The following ADAM32 variants were observed in gnomAD, a reference collection of about 807,000 sequenced individuals.
The protein encoded by ADAM32 is disintegrin and metalloproteinase domain-containing protein 32.
A neutral mutation model predicts 114.9 loss-of-function variants in ADAM32; 89 were observed. That is an observed-to-expected ratio of 0.77 (90% CI 0.65 to 0.92). The LOEUF (loss-of-function observed/expected upper bound fraction) is 0.92. Among genes scored for constraint, ADAM32 ranks in the 40% least tolerant of loss-of-function variants. The pLI is 0.00. For missense variants in ADAM32, 870 were observed against 932.8 expected, an observed-to-expected ratio of 0.93 and a Z score of 0.88; for synonymous variants, 285 against 307.5, an observed-to-expected ratio of 0.93 and a Z score of 0.77.
intron 6 of ADAM32, among the ~76,000 whole-genome samples, chr8:39,155,052 A>T (rs1804061603): frequency 6.6e-6 from 1 of 152,174 alleles, no homozygotes. Flanking sequence ...GCGCTCAATA[A>T]ACTAGGTATT....
intron 9 of ADAM32, chr8:39,169,637 T>C (rs1805066913): frequency 4.2e-6 from 1 of 240,732 alleles, no homozygotes; most frequent in Non-Finnish European, 7.9e-6. Flanking sequence ...AGCAAAGCCT[T>C]TGGCAAACAT....
At chr8:39,205,273 A>G (rs2129448046) in intron 11 of ADAM32, among the ~76,000 whole-genome samples, 1 of 152,286 alleles carries the variant, frequency 6.6e-6, no homozygotes, top group Non-Finnish European at 1.5e-5. Context: ...GGTGGGCTCC[A>G]CCCAGTTTGA....
Position 39,152,426 on chromosome 8 carries a change from A to G in ADAM32, c.525+878A>G, listed in dbSNP as rs1053563369. Among the ~76,000 whole-genome samples, 60 of 152,308 alleles carry G rather than the reference A, an allele frequency of 3.9e-4. 1 individual carries two copies. Among genetic ancestry groups the G allele is most frequent in the Admixed American group, 1.6e-3 (25 of 15,304 alleles). On this transcript the variant is annotated intron_variant, in intron 6 of 24. Coordinates refer to ENST00000379907, the MANE Select transcript of ADAM32 (RefSeq NM_145004.7). ...TGCTCTCCCTGTTTTCTGTCAGTAA[A>G]GAAAAAAATACCAGGCCAGGCATGG...
chr8:39,154,008 A>C (rs1228478652), intron 6 of ADAM32, among the ~76,000 whole-genome samples: 1 of 145,294 alleles, frequency 6.9e-6, no homozygotes, highest in Non-Finnish European at 1.5e-5. Context: ...AAAACAGCCA[A>C]GTAAAAGACA....
intron 6 of ADAM32, among the ~76,000 whole-genome samples, chr8:39,160,437 G>A (rs899002604): frequency 3.3e-5 from 5 of 151,726 alleles, no homozygotes; most frequent in Non-Finnish European, 5.9e-5. Context: ...CTACTCCGGA[G>A]GCTGATGCGG....
chr8:39,182,377 A>G (rs1003110050), intron 10 of ADAM32, among the ~76,000 whole-genome samples: 1 of 152,186 alleles, frequency 6.6e-6, no homozygotes, highest in African/African-American at 2.4e-5. Context: ...TTTTTCTTTT[A>G]TTTCAAATTC....
intron 19 of ADAM32, among the ~76,000 whole-genome samples, chr8:39,260,915 A>G (rs887688868): frequency 2.0e-5 from 3 of 151,822 alleles, no homozygotes; most frequent in Non-Finnish European, 4.4e-5. Flanking sequence ...TTTTAATTGC[A>G]AGTTTTATTT....
At chr8:39,279,827 C>T (rs550490452) in intron 22 of ADAM32, among the ~76,000 whole-genome samples, 1 of 152,276 alleles carries the variant, frequency 6.6e-6, no homozygotes, top group African/African-American at 2.4e-5. Context: ...TAAGCCCACC[C>T]TCAAGGGCAG....
chr8:39,275,317 C>T (rs978910848), intron 21 of ADAM32, among the ~76,000 whole-genome samples: 1 of 152,306 alleles, frequency 6.6e-6, no homozygotes, highest in East Asian at 1.9e-4. Context: ...TTCTCTCTCT[C>T]TCTGTTACTA....
Position 39,184,736 on chromosome 8 carries a change from A to G in ADAM32, c.916-2173A>G, listed in dbSNP as rs1806110919. On this transcript the variant is annotated intron_variant, in intron 10 of 24. Coordinates refer to ENST00000379907, the MANE Select transcript of ADAM32 (RefSeq NM_145004.7). The stretch of plus-strand genomic sequence containing the variant: ...GTTGTGAATTGGTTTAGTTCTGGGA[A>G]TCTGCATCACAGCAACTCATGTTAA... 2.6e-5 allele frequency among the ~76,000 whole-genome samples: 4 copies of G among 152,216 alleles called. No individual in the cohort carries two copies. The South Asian group carries it at 8.3e-4, about 31-fold the overall frequency.
At chr8:39,108,016 G>C (rs1839998613) in intron 1 of ADAM32, 183 bp downstream of exon 1, 1 of 763,282 alleles carries the variant, frequency 1.3e-6, no homozygotes. Flanking sequence ...CAGCACCAGG[G>C]CTCACGCCTG....
At chr8:39,191,039 A>T (rs1299480691) in intron 11 of ADAM32, among the ~76,000 whole-genome samples, 3 of 146,594 alleles carry the variant, frequency 2.0e-5, no homozygotes, top group Non-Finnish European at 4.7e-5. Flanking sequence ...TTTGCTAAAG[A>T]TAATGGCCTC....
In ADAM32 at chr8:39,180,250, A is replaced by G. The variant is rs1030310245; in HGVS notation, c.916-6659A>G. On this transcript the variant is annotated intron_variant, in intron 10 of 24. Transcript: ENST00000379907. ...GCCGACCCCAGGCAGTGAGGGGCTT[A>G]GCACCTGGGCCAGCGGCTGCAGAGG... is the stretch of plus-strand genomic sequence containing the variant. 3.5e-4 allele frequency among the ~76,000 whole-genome samples: 54 copies of G among 152,214 alleles called. 1 individual carries two copies. Among genetic ancestry groups the G allele is most frequent in the Non-Finnish European group, 7.2e-4 (49 of 68,028 alleles).
intron 11 of ADAM32, among the ~76,000 whole-genome samples, chr8:39,205,598 G>C (rs371185190): frequency 2.0e-5 from 3 of 152,144 alleles, no homozygotes; most frequent in African/African-American, 7.2e-5. Flanking sequence ...GCCCTGCTTC[G>C]CCTCACACTT....
Position 39,165,041 on chromosome 8 carries a change from A to G in ADAM32, c.678A>G (p.Gln226=). 2 of 1,597,812 alleles carry G rather than the reference A, an allele frequency of 1.3e-6. No individual in the cohort carries two copies. The highest frequency in any genetic ancestry group is 1.7e-6 in the Non-Finnish European group (2 of 1,172,846). The part of the protein sequence containing the change: ...IVGLANSMFT[Q]FKVTIVLSSL... ...TCTTCTGTTTTTAGATGTTCACCCA[A>G]TTTAAAGTTACTATTGTGCTGTCAT... is the stretch of plus-strand genomic sequence containing the variant. The change falls in exon 9 of 25, where the codon CAA becomes CAG. Residue 226 remains glutamine (Q), a synonymous_variant. Coordinates refer to ENST00000379907, the MANE Select transcript of ADAM32 (RefSeq NM_145004.7).
At chr8:39,144,060 T>C (rs1344960766) in intron 3 of ADAM32, among the ~76,000 whole-genome samples, 1 of 152,242 alleles carries the variant, frequency 6.6e-6, no homozygotes, top group Non-Finnish European at 1.5e-5. Context: ...GGTCTGCTGA[T>C]TGCTAAGACT....
chr8:39,196,601 T>G (rs1303311095), intron 11 of ADAM32, among the ~76,000 whole-genome samples: 1 of 152,170 alleles, frequency 6.6e-6, no homozygotes, highest in Admixed American at 6.5e-5. Flanking sequence ...TTTTGCGGTT[T>G]TTGTCCTTCA....
intron 3 of ADAM32, among the ~76,000 whole-genome samples, chr8:39,141,311 T>G (rs1029781154): frequency 2.6e-5 from 4 of 152,248 alleles, no homozygotes; most frequent in Admixed American, 1.3e-4. Context: ...TTTCCTGCTT[T>G]CTTTTGTGGG....
chr8:39,199,460 T>C (rs1375136481), intron 11 of ADAM32, among the ~76,000 whole-genome samples: 1 of 152,216 alleles, frequency 6.6e-6, no homozygotes, highest in Non-Finnish European at 1.5e-5. Context: ...AATTCTTTCT[T>C]CTGATTAATC....
Sources: gnomAD v4.1 joint callset for allele counts (sites outside exome capture counted in the v4.1 genomes callset) on GRCh38, gnomAD v4.1.1 for gene constraint, MANE v1.5 for transcripts, NCBI Gene and HGNC (gene_info 2026-07-23, HGNC 2026-07-21) for gene names.